SERINC2: variants seen among roughly 807,000 people sequenced by gnomAD.
SERINC2 encodes the protein tumor differentially expressed protein 2.
A neutral mutation model predicts 54.2 loss-of-function variants in SERINC2; 56 were observed. The ratio of observed to expected loss-of-function variants is 1.03; its 90% CI spans 0.83 to 1.29. The LOEUF (loss-of-function observed/expected upper bound fraction) is 1.29. Ranked by LOEUF, SERINC2 falls within the 50% of genes most tolerant of loss-of-function variation. The pLI is 0.00. For missense variants in SERINC2, 614 were observed against 607.4 expected (o/e 1.01, Z -0.12); for synonymous variants, 272 against 253.1 (o/e 1.07, Z -0.71).
chr1:31,432,230 G>GGGTGGATAGGGTGGATAGGGT (rs1553134789), intron 8 of SERINC2, among the ~76,000 whole-genome samples: 2 of 151,574 alleles, frequency 1.3e-5, no homozygotes, highest in Non-Finnish European at 2.9e-5. Context: ...AGGGTGGATA[G>GGGTGGATAGGGTGGATAGGGT]GGACCCACTG....
chr1:31,430,184 G>C (rs923066470), intron 8 of SERINC2, among the ~76,000 whole-genome samples: 7 of 152,210 alleles, frequency 4.6e-5, no homozygotes, highest in African/African-American at 1.7e-4. Flanking sequence ...TCATTGGATT[G>C]TTGAAGGGCT....
upstream of SERINC2, chr1:31,410,573 C>A: frequency 8.4e-7 from 1 of 1,184,552 alleles, no homozygotes; most frequent in Non-Finnish European, 1.2e-6. Context: ...TATCCCTTTA[C>A]ACATACAGTC....
In SERINC2 at chr1:31,423,918, G is replaced by A. The variant is rs1292387413; in HGVS notation, c.201+64G>A. The A allele has an allele frequency of 2.0e-6, 3 of 1,505,334 alleles. No individual in the cohort carries two copies. In the East Asian group the frequency reaches 6.8e-5, roughly 34 times the overall value. The allele number at this position is 1,505,334 out of a possible 1,614,324, so 93.2% of individuals were successfully genotyped here. On this transcript the variant is annotated intron_variant, in intron 2 of 9. Coordinates refer to ENST00000373709, the MANE Select transcript of SERINC2 (RefSeq NM_178865.5). Reference sequence around the variant, plus strand: ...GGGCGTCAGTGGCTCCAGGATAGAGGGCCCAGGCTTGGGGTCACAGCTTAT... The same window carrying A: ...GGGCGTCAGTGGCTCCAGGATAGAGAGCCCAGGCTTGGGGTCACAGCTTAT...
chr1:31,433,716 C>T (rs1357166032), intron 9 of SERINC2, among the ~76,000 whole-genome samples: 2 of 151,990 alleles, frequency 1.3e-5, no homozygotes, highest in East Asian at 3.9e-4. Flanking sequence ...CCCTAAGTTA[C>T]AGGATCAAAG....
intron 8 of SERINC2, among the ~76,000 whole-genome samples, chr1:31,431,041 C>T (rs1553134392): frequency 1.3e-5 from 2 of 152,146 alleles, no homozygotes; most frequent in Admixed American, 6.5e-5. Context: ...TTCTTTGTCA[C>T]ATTTGATTCC....
At chr1:31,411,850 A>C (rs1640653995), upstream of SERINC2, among the ~76,000 whole-genome samples, 1 of 151,912 alleles carries the variant, frequency 6.6e-6, no homozygotes, top group Non-Finnish European at 1.5e-5. Context: ...ATTTTTAAAA[A>C]ATTAGCTGGG....
intron 8 of SERINC2, among the ~76,000 whole-genome samples, chr1:31,432,131 GGGTGGAC>G (rs1641294826): frequency 2.3e-5 from 3 of 131,168 alleles, no homozygotes; most frequent in Non-Finnish European, 3.3e-5. Flanking sequence ...AGGGTGGATA[GGGTGGAC>G]AGGGTGGACA....
intron 2 of SERINC2, 151 bp from the exon 3 acceptor site, chr1:31,424,532 G>A (rs1319218153): frequency 6.2e-6 from 4 of 650,248 alleles, no homozygotes; most frequent in East Asian, 5.7e-5. Context: ...GGAGATAGAG[G>A]TGAGGGGCTC....
intron 1 of SERINC2, among the ~76,000 whole-genome samples, chr1:31,419,204 A>G (rs1640848611): frequency 6.6e-6 from 1 of 152,170 alleles, no homozygotes; most frequent in African/African-American, 2.4e-5. Context: ...GCATTATTCC[A>G]TGTGGCTCTG....
chr1:31,431,472 C>A (rs570659055), intron 8 of SERINC2, among the ~76,000 whole-genome samples: 1 of 152,158 alleles, frequency 6.6e-6, no homozygotes, highest in African/African-American at 2.4e-5. Flanking sequence ...GGGGAGGAGG[C>A]CATGAGCACA....
At chr1:31,425,723 G>T in intron 4 of SERINC2, 53 bp from the exon 5 acceptor site, 2 of 1,592,924 alleles carry the variant, frequency 1.3e-6, no homozygotes, top group South Asian at 1.1e-5. Flanking sequence ...CTTGTTGAAC[G>T]AGTAGATGTG....
At chr1:31,432,053 TGGACAGGGTGGACAGGGTGGAC>T (rs1641270081) in intron 8 of SERINC2, among the ~76,000 whole-genome samples, 2 of 131,052 alleles carry the variant, frequency 1.5e-5, no homozygotes, top group African/African-American at 3.2e-5. Context: ...GTGGACAGGG[TGGACAGGGTGGACAGGGTGGAC>T]AGGGTGGTTA....
chr1:31,409,864 TGG>T, upstream of SERINC2: 1 of 1,552,520 alleles, frequency 6.4e-7, no homozygotes, highest in Non-Finnish European at 8.7e-7. Context: ...TAAGAGGGGA[TGG>T]GGAGAGAATG....
At chr1:31,427,155 TATTATTGTTGTC>T (rs578077482) in intron 6 of SERINC2, among the ~76,000 whole-genome samples, 114 of 152,300 alleles carry the variant, frequency 7.5e-4, no homozygotes, top group Middle Eastern at 3.4e-3. Context: ...TTATTGTAGT[TATTATTGTTGTC>T]ATTTTTGTTT....
At chr1:31,432,870 C>T (rs949362217) in intron 8 of SERINC2, 97 bp from the exon 9 acceptor site, 25 of 900,934 alleles carry the variant, frequency 2.8e-5, no homozygotes, top group African/African-American at 2.0e-4. Flanking sequence ...GCCCAGTAAC[C>T]GGGTCGCTGG....
At position 31,428,965 on chromosome 1, in the gene SERINC2, G is replaced by A; in HGVS notation, c.781-13G>A. 6.2e-7 allele frequency: 1 copy of A among 1,611,672 alleles called. No homozygotes were observed. The highest frequency in any genetic ancestry group is 8.5e-7 in the Non-Finnish European group (1 of 1,177,994). On this transcript the variant is annotated splice_polypyrimidine_tract_variant and intron_variant, in intron 6 of 9. Transcript: ENST00000373709. ...TGGTCTGGCAGGGGTCTTACCAGGG[G>A]TCCTCTTGCCAGGACGCCCAGCCCA...
intron 1 of SERINC2, among the ~76,000 whole-genome samples, chr1:31,418,307 G>A (rs1365737438): frequency 1.1e-4 from 16 of 152,214 alleles, no homozygotes; most frequent in African/African-American, 3.6e-4. Context: ...ACATGGGTGT[G>A]TAAATATGTG....
intron 1 of SERINC2, among the ~76,000 whole-genome samples, chr1:31,416,149 C>A (rs1339246628): frequency 2.0e-5 from 3 of 152,148 alleles, no homozygotes; most frequent in Admixed American, 2.0e-4. Flanking sequence ...GTGGAGAAAA[C>A]AATGGTGTCT....
chr1:31,415,739 G>C (rs1553132127), intron 1 of SERINC2: 1 of 311,084 alleles, frequency 3.2e-6, no homozygotes, highest in East Asian at 1.7e-4. Flanking sequence ...GCAGTGAAGA[G>C]TTGCTGCACA....
Sources: allele counts gnomAD v4.1 joint callset (sites outside exome capture counted in the v4.1 genomes callset), GRCh38; gene constraint gnomAD v4.1.1; transcripts MANE v1.5; gene names NCBI Gene and HGNC (gene_info 2026-07-23, HGNC 2026-07-21).